MRPL1: variants seen among roughly 807,000 people sequenced by gnomAD.
MRPL1 encodes the protein large ribosomal subunit protein uL1m.
In MRPL1, 28 loss-of-function variants were observed where a neutral mutation model predicts 38.0. The observed-to-expected ratio is 0.74, with a 90% CI of 0.55 to 1.01. The LOEUF is 1.01. Ranked by LOEUF, MRPL1 falls within the 50% of genes least tolerant of loss-of-function variation. MRPL1 has a pLI of 0.00. For missense variants in MRPL1, 358 were observed against 389.8 expected (o/e 0.92, Z 0.69); for synonymous variants, 123 against 126.7 (o/e 0.97, Z 0.20).
intron 7 of MRPL1, among the ~76,000 whole-genome samples, chr4:77,942,581 T>G (rs1737161541): frequency 6.6e-6 from 1 of 152,208 alleles, no homozygotes; most frequent in Admixed American, 6.5e-5. Context: ...TTGTGATATT[T>G]TCCTGTTGGA....
chr4:77,876,909 A>T lies in MRPL1; in HGVS notation c.143+5054A>T, dbSNP rs562341980. ...TTTCTTTACTCTTCTTTATTTATTTATTTATTTTTGAGTGGAGTTTTGCTC... is the reference window on the plus strand; with the variant it reads ...TTTCTTTACTCTTCTTTATTTATTTTTTTATTTTTGAGTGGAGTTTTGCTC... On this transcript the variant is annotated intron_variant, in intron 2 of 8. Coordinates refer to ENST00000315567, the MANE Select transcript of MRPL1 (RefSeq NM_020236.4). Among the ~76,000 whole-genome samples, 28 of 151,584 alleles carry T rather than the reference A, an allele frequency of 1.8e-4. No homozygotes were observed. The South Asian group carries it at 5.9e-3, about 32-fold the overall frequency.
chr4:77,913,041 A>G (rs990332032), intron 7 of MRPL1, among the ~76,000 whole-genome samples: 1 of 152,270 alleles, frequency 6.6e-6, no homozygotes, highest in African/African-American at 2.4e-5. Context: ...TATAATAATT[A>G]AGTAAAAATG....
chr4:77,904,956 C>G (rs1736119763), intron 6 of MRPL1, among the ~76,000 whole-genome samples: 1 of 151,922 alleles, frequency 6.6e-6, no homozygotes, highest in Non-Finnish European at 1.5e-5. Context: ...TCTTAGGACA[C>G]AAAAAGCATG....
chr4:77,916,849 G>A (rs1006890167), intron 7 of MRPL1, among the ~76,000 whole-genome samples: 25 of 152,138 alleles, frequency 1.6e-4, no homozygotes, highest in Non-Finnish European at 2.5e-4. Flanking sequence ...TATAGAAATA[G>A]AGTATATGTT....
chr4:77,902,497 T>C (rs1736059394), intron 6 of MRPL1, among the ~76,000 whole-genome samples: 1 of 150,654 alleles, frequency 6.6e-6, no homozygotes, highest in South Asian at 2.1e-4. Flanking sequence ...CCAAATTAAG[T>C]ACAAGGAAGA....
At chr4:77,894,580 A>G (rs571139295) in intron 6 of MRPL1, among the ~76,000 whole-genome samples, 6 of 152,250 alleles carry the variant, frequency 3.9e-5, no homozygotes, top group African/African-American at 7.2e-5. Flanking sequence ...TATCAATATA[A>G]TATGTATGCC....
At chr4:77,909,101 C>T (rs1736226649) in intron 6 of MRPL1, among the ~76,000 whole-genome samples, 165 bp from the exon 7 acceptor site, 1 of 132,570 alleles carries the variant, frequency 7.5e-6, no homozygotes, top group Admixed American at 8.4e-5. Context: ...AAGTTTCATT[C>T]ACACTCAATG....
At chr4:77,907,124 G>C in intron 6 of MRPL1, 1 of 985,036 alleles carries the variant, frequency 1.0e-6, no homozygotes, top group Non-Finnish European at 1.2e-6. Flanking sequence ...TGGTGGGAGT[G>C]ATGTCTCTTC....
rs1410553369 is a variant in MRPL1, at chr4:77,905,615, A to G, written c.671-3651A>G. Among the ~76,000 whole-genome samples, 3 of 152,136 alleles carry G rather than the reference A, an allele frequency of 2.0e-5. No individual in the cohort carries two copies. The East Asian group carries it at 5.8e-4, about 29-fold the overall frequency. On this transcript the variant is annotated intron_variant, in intron 6 of 8. Coordinates refer to ENST00000315567, the MANE Select transcript of MRPL1 (RefSeq NM_020236.4). ...TTAGACAAAGAAGAAGGAATATACA[A>G]GGTCAAAGGAAGGAAGTTTTGTTTG...
At chr4:77,923,254 C>A (rs1431424084) in intron 7 of MRPL1, among the ~76,000 whole-genome samples, 1 of 151,900 alleles carries the variant, frequency 6.6e-6, no homozygotes. Flanking sequence ...CACCACCATA[C>A]CTGACTAATT....
At position 77,929,048 on chromosome 4, in the gene MRPL1, G is replaced by A. The variant is rs72871103; in HGVS notation, c.777+19676G>A. On this transcript the variant is annotated intron_variant, in intron 7 of 8. Coordinates refer to ENST00000315567, the MANE Select transcript of MRPL1 (RefSeq NM_020236.4). The stretch of plus-strand genomic sequence containing the variant: ...ATGAAAAATATAAATGTTGCATAAT[G>A]TGTAAAAAGGGAGTAAACTGATCTC... Among the ~76,000 whole-genome samples, 91 of 152,346 alleles carry A rather than the reference G, an allele frequency of 6.0e-4. 1 individual carries two copies. The highest frequency in any genetic ancestry group is 2.1e-3 in the African/African-American group (86 of 41,590).
In MRPL1 at chr4:77,949,897, G is replaced by T; in HGVS notation, c.859+19G>T. ...AATTTGGGTAAGTGGTTTGCTGAGG[G>T]TAGACTTCCCTATGACCCTGTGAAA... On this transcript the variant is annotated intron_variant, in intron 8 of 8. Coordinates refer to ENST00000315567, the MANE Select transcript of MRPL1 (RefSeq NM_020236.4). The T allele has an allele frequency of 6.5e-7, 1 of 1,535,630 alleles. No homozygotes were observed.
intron 7 of MRPL1, among the ~76,000 whole-genome samples, chr4:77,918,425 G>GT (rs1033527101): frequency 7.9e-4 from 119 of 151,468 alleles, no homozygotes; most frequent in African/African-American, 2.3e-3. Flanking sequence ...GTCTTCTAGG[G>GT]TTTTTTTTTC....
intron 2 of MRPL1, among the ~76,000 whole-genome samples, chr4:77,877,100 C>T (rs1348549381): frequency 1.3e-5 from 2 of 152,042 alleles, no homozygotes; most frequent in African/African-American, 4.8e-5. Flanking sequence ...GGGTTTCACC[C>T]TGTTGGCCAG....
At position 77,883,242 on chromosome 4, in the gene MRPL1, G is replaced by T; in HGVS notation, c.144G>T (p.Lys48Asn). The change falls in exon 3 of 9, where the codon AAG becomes AAT. Residue 48 changes from lysine to asparagine, a missense_variant and splice_region_variant. Physicochemically the swap from Lys to Asn is moderately conservative, Grantham distance 94. Transcript: ENST00000315567. ...VPNRHFAAAT[K>N]SAKKTKKGAK... ...TAACTCAACTTTATTTTCTTTTAAG[G>T]TCTGCAAAGAAAACAAAAAAAGGTG... The T allele has an allele frequency of 1.3e-6, 2 of 1,545,542 alleles. No homozygotes were observed. The highest frequency in any genetic ancestry group is 1.2e-5 in the South Asian group (1 of 81,004).
At chr4:77,926,257 G>A (rs181493259) in intron 7 of MRPL1, among the ~76,000 whole-genome samples, 5 of 152,294 alleles carry the variant, frequency 3.3e-5, no homozygotes, top group Admixed American at 1.3e-4. Context: ...TACACTGGGG[G>A]AGATCAGGAG....
intron 6 of MRPL1, among the ~76,000 whole-genome samples, chr4:77,895,957 CTTAA>C (rs1285990609): frequency 4.6e-5 from 7 of 151,936 alleles, no homozygotes; most frequent in African/African-American, 1.2e-4. Context: ...CTTTTTTGTT[CTTAA>C]TTAAATTCAA....
At chr4:77,867,914 G>A (rs983298641) in intron 1 of MRPL1, among the ~76,000 whole-genome samples, 2 of 151,442 alleles carry the variant, frequency 1.3e-5, no homozygotes, top group African/African-American at 2.4e-5. Context: ...CCGCCACCAT[G>A]CCTGGCTAAT....
chr4:77,938,421 A>C (rs1737039496), intron 7 of MRPL1, among the ~76,000 whole-genome samples: 1 of 152,146 alleles, frequency 6.6e-6, no homozygotes, highest in African/African-American at 2.4e-5. Context: ...TTTACCTTTA[A>C]ATCCCTTTGC....
Sources: allele counts gnomAD v4.1 joint callset (sites outside exome capture counted in the v4.1 genomes callset), GRCh38; gene constraint gnomAD v4.1.1; transcripts MANE v1.5; gene names NCBI Gene and HGNC (gene_info 2026-07-23, HGNC 2026-07-21).